Variants in LRRC4C observed in about 807,000 individuals in gnomAD.
LRRC4C encodes the protein leucine rich repeat containing 4C.
LRRC4C carries 5 observed loss-of-function variants against 33.6 expected under a neutral mutation model. That is an observed-to-expected ratio of 0.15 (90% confidence interval 0.08 to 0.31). The LOEUF is 0.31. Among genes scored for constraint, LRRC4C ranks in the 10% least tolerant of loss-of-function variants. LRRC4C has a pLI of 1.00. For missense variants in LRRC4C, 560 were observed against 796.7 expected (o/e 0.70, Z 3.58); for synonymous variants, 329 against 302.0 (o/e 1.09, Z -0.93).
rs147549248 is a variant in LRRC4C at position 40,696,750 on chromosome 11, A to G, written c.-406-48472T>C. On this transcript the variant is annotated intron_variant, in intron 2 of 6. Transcript: ENST00000528697. The stretch of plus-strand genomic sequence containing the variant: ...CTCTGTGCATATATATACACTGTGT[A>G]TATATATATATATATATATATATAT... Among the ~76,000 whole-genome samples the G allele has an allele frequency of 6.4e-3, 426 of 66,810 alleles. 3 individuals are homozygous for G. Among genetic ancestry groups the G allele is most frequent in the African/African-American group, 0.012 (248 of 20,542 alleles). 43.8% of individuals were successfully genotyped at this position (66,810 alleles called of 152,430 possible).
chr11:40,454,770 A>G (rs985070490), intron 3 of LRRC4C, among the ~76,000 whole-genome samples: 1 of 152,176 alleles, frequency 6.6e-6, no homozygotes, highest in Non-Finnish European at 1.5e-5. Flanking sequence ...TCAGGTATAC[A>G]TCTAATTTTC....
At chr11:41,033,217 T>A (rs1856829849) in intron 1 of LRRC4C, among the ~76,000 whole-genome samples, 1 of 152,034 alleles carries the variant, frequency 6.6e-6, no homozygotes, top group Admixed American at 6.6e-5. Context: ...AGAATTTAGT[T>A]ATAGTGAAAC....
At chr11:41,025,138 G>C (rs1370156028) in intron 1 of LRRC4C, among the ~76,000 whole-genome samples, 1 of 151,402 alleles carries the variant, frequency 6.6e-6, no homozygotes, top group Non-Finnish European at 1.5e-5. Flanking sequence ...TTGAAATTAG[G>C]CCAATTAATA....
intron 3 of LRRC4C, among the ~76,000 whole-genome samples, chr11:40,407,387 T>C (rs578198407): frequency 6.6e-6 from 1 of 152,076 alleles, no homozygotes; most frequent in Non-Finnish European, 1.5e-5. Flanking sequence ...CCAGGTTGAT[T>C]TGATTGATTT....
At chr11:40,399,209 T>A (rs1590611573) in intron 3 of LRRC4C, among the ~76,000 whole-genome samples, 1 of 152,244 alleles carries the variant, frequency 6.6e-6, no homozygotes, top group South Asian at 2.1e-4. Context: ...CTATAAATCA[T>A]GCTGCTATAA....
intron 1 of LRRC4C, among the ~76,000 whole-genome samples, chr11:41,266,598 T>C (rs1273292907): frequency 2.6e-5 from 4 of 152,076 alleles, no homozygotes; most frequent in Non-Finnish European, 1.5e-5. Context: ...GAGAATGAAA[T>C]GTGATTAGGT....
At chr11:40,576,424 T>C (rs2135596273) in intron 3 of LRRC4C, among the ~76,000 whole-genome samples, 1 of 152,350 alleles carries the variant, frequency 6.6e-6, no homozygotes, top group South Asian at 2.1e-4. Context: ...CCTATAGCCT[T>C]GTACTTTCTC....
intron 1 of LRRC4C, among the ~76,000 whole-genome samples, chr11:41,153,212 A>T (rs936472773): frequency 6.6e-6 from 1 of 152,178 alleles, no homozygotes; most frequent in Non-Finnish European, 1.5e-5. Context: ...CATGAAAAAA[A>T]TTATTAAATT....
chr11:41,202,702 T>C (rs1946447314), intron 1 of LRRC4C, among the ~76,000 whole-genome samples: 1 of 152,044 alleles, frequency 6.6e-6, no homozygotes, highest in Non-Finnish European at 1.5e-5. Context: ...GATTTTGAAG[T>C]GCCAAGTTCA....
chr11:41,217,744 T>A (rs1030491197), intron 1 of LRRC4C, among the ~76,000 whole-genome samples: 4 of 152,200 alleles, frequency 2.6e-5, no homozygotes, highest in African/African-American at 9.6e-5. Context: ...TTGGCTGCAA[T>A]GTGCATTGCT....
chr11:40,872,783 A>C (rs894451935), intron 2 of LRRC4C, among the ~76,000 whole-genome samples: 1 of 152,160 alleles, frequency 6.6e-6, no homozygotes, highest in Non-Finnish European at 1.5e-5. Context: ...CATATTTCTC[A>C]TATGCTCTAG....
chr11:40,688,934 A>C (rs2136385972), intron 2 of LRRC4C, among the ~76,000 whole-genome samples: 1 of 152,236 alleles, frequency 6.6e-6, no homozygotes, highest in African/African-American at 2.4e-5. Context: ...ACCGAGGTGT[A>C]AATAAGAAAA....
intron 2 of LRRC4C, among the ~76,000 whole-genome samples, chr11:40,756,092 A>T (rs978631728): frequency 1.3e-5 from 2 of 152,090 alleles, no homozygotes; most frequent in African/African-American, 4.8e-5. Context: ...AAGCAAGATT[A>T]TGAGCATTTG....
intron 1 of LRRC4C, among the ~76,000 whole-genome samples, chr11:41,391,007 C>T (rs1395500668): frequency 2.0e-5 from 3 of 148,554 alleles, no homozygotes; most frequent in Non-Finnish European, 4.5e-5. Context: ...AAGTGTCCTG[C>T]CTTGGGCCAT....
intron 1 of LRRC4C, among the ~76,000 whole-genome samples, chr11:41,229,064 C>T (rs1336314495): frequency 6.6e-6 from 1 of 151,952 alleles, no homozygotes. Flanking sequence ...TATGAATTTC[C>T]ATTGGGGATT....
intron 6 of LRRC4C, among the ~76,000 whole-genome samples, chr11:40,121,644 C>T (rs1164819455): frequency 6.6e-6 from 1 of 152,170 alleles, no homozygotes; most frequent in Non-Finnish European, 1.5e-5. Flanking sequence ...TTGACTTTGT[C>T]AACAGACTTT....
At chr11:41,153,549 G>A (rs888189612) in intron 1 of LRRC4C, among the ~76,000 whole-genome samples, 1 of 152,156 alleles carries the variant, frequency 6.6e-6, no homozygotes, top group Non-Finnish European at 1.5e-5. Context: ...ACATTTCTAG[G>A]AGGCAAAGAT....
chr11:40,269,433 T>C (rs938768349), intron 4 of LRRC4C, among the ~76,000 whole-genome samples: 17 of 152,142 alleles, frequency 1.1e-4, no homozygotes, highest in African/African-American at 2.4e-4. Flanking sequence ...TTTACTATTA[T>C]CCCATTTATG....
intron 3 of LRRC4C, among the ~76,000 whole-genome samples, chr11:40,460,395 C>T (rs909637799): frequency 6.6e-6 from 1 of 151,864 alleles, no homozygotes; most frequent in Admixed American, 6.6e-5. Context: ...ACAAACATGG[C>T]ATGACTGCAG....
Sources: gnomAD v4.1 joint callset for allele counts (sites outside exome capture counted in the v4.1 genomes callset) on GRCh38, gnomAD v4.1.1 for gene constraint, MANE v1.5 for transcripts, NCBI Gene and HGNC (gene_info 2026-07-23, HGNC 2026-07-21) for gene names.